KHDRBS2: variants seen among roughly 807,000 people sequenced by gnomAD.
The protein encoded by KHDRBS2 is KH RNA binding domain containing, signal transduction associated 2.
Under a neutral mutation model 44.3 loss-of-function variants are expected in KHDRBS2, and 26 were observed. The observed-to-expected ratio is 0.59, with a 90% CI of 0.43 to 0.81. KHDRBS2 has a LOEUF of 0.81. KHDRBS2 is among the 40% of genes least tolerant of loss of function. The pLI is 0.00. For missense variants in KHDRBS2, 476 were observed against 433.1 expected (o/e 1.10, Z -0.88); for synonymous variants, 194 against 151.1 (o/e 1.28, Z -2.08).
chr6:61,577,361 G>T, the KHDRBS2 span, among the ~76,000 whole-genome samples: 25,945 of 151,884 alleles, frequency 0.17, 2,424 homozygotes, highest in East Asian at 0.29. Context: ...GCCTGAACTG[G>T]AGGAGGAAAC....
the KHDRBS2 span, among the ~76,000 whole-genome samples, chr6:61,560,107 G>T: frequency 5.3e-5 from 8 of 152,098 alleles, no homozygotes; most frequent in African/African-American, 1.9e-4. Context: ...TTTTCCTTCA[G>T]CATATTAAAT....
intron 1 of KHDRBS2, among the ~76,000 whole-genome samples, chr6:62,199,696 G>C (rs1417340949): frequency 6.6e-6 from 1 of 152,102 alleles, no homozygotes; most frequent in African/African-American, 2.4e-5. Context: ...TCCCCATCAA[G>C]CTACCAATGA....
chr6:61,913,103 T>C lies in KHDRBS2; in HGVS notation c.484-11732A>G, dbSNP rs186788127. Among the ~76,000 whole-genome samples, 3 of 152,188 alleles carry C rather than the reference T, an allele frequency of 2.0e-5. No homozygotes were observed. The East Asian group carries it at 5.8e-4, about 29-fold the overall frequency. ...TTTCCCCAACCCCTTTCCTTATTCG[T>C]TTTTAAAATTCATTCTTCAAACTCT... is the stretch of plus-strand genomic sequence containing the variant. On this transcript the variant is annotated intron_variant, in intron 4 of 8. Coordinates refer to ENST00000281156, the MANE Select transcript of KHDRBS2 (RefSeq NM_152688.4).
chr6:61,650,357 C>A, the KHDRBS2 span, among the ~76,000 whole-genome samples: 1 of 151,718 alleles, frequency 6.6e-6, no homozygotes, highest in African/African-American at 2.4e-5. Context: ...AGGCTTCATG[C>A]AAGCAGATTC....
At chr6:62,004,297 G>A (rs369594075) in intron 3 of KHDRBS2, among the ~76,000 whole-genome samples, 5 of 151,704 alleles carry the variant, frequency 3.3e-5, no homozygotes, top group South Asian at 4.2e-4. Flanking sequence ...TCAAATAGAC[G>A]CAACAAAAAA....
chr6:61,549,345 T>A, the KHDRBS2 span, among the ~76,000 whole-genome samples: 1 of 152,180 alleles, frequency 6.6e-6, no homozygotes, highest in African/African-American at 2.4e-5. Context: ...TCTTAAAATT[T>A]TTGAATAACT....
intron 2 of KHDRBS2, among the ~76,000 whole-genome samples, chr6:62,170,454 A>T (rs1465999470): frequency 2.0e-5 from 3 of 152,170 alleles, no homozygotes; most frequent in South Asian, 4.1e-4. Context: ...TCTCCAAAGC[A>T]TCACAGAGAA....
intron 8 of KHDRBS2, among the ~76,000 whole-genome samples, chr6:61,681,945 A>G (rs1766353567): frequency 6.6e-6 from 1 of 151,934 alleles, no homozygotes; most frequent in Non-Finnish European, 1.5e-5. Flanking sequence ...TGGTCTCTCA[A>G]TCAGAATTTA....
chr6:62,072,609 T>C (rs1193440898), intron 2 of KHDRBS2, among the ~76,000 whole-genome samples: 1 of 152,226 alleles, frequency 6.6e-6, no homozygotes, highest in Non-Finnish European at 1.5e-5. Context: ...CATGTGGTTT[T>C]TGTCTTTGGT....
intron 2 of KHDRBS2, among the ~76,000 whole-genome samples, chr6:62,073,291 T>C (rs1375387858): frequency 6.6e-6 from 1 of 151,810 alleles, no homozygotes; most frequent in East Asian, 1.9e-4. Context: ...GTTTTGATAA[T>C]TTGTATATTT....
At chr6:61,647,745 G>T in the KHDRBS2 span, among the ~76,000 whole-genome samples, 1 of 152,064 alleles carries the variant, frequency 6.6e-6, no homozygotes, top group Non-Finnish European at 1.5e-5. Context: ...TCTTTTGTGG[G>T]TATGTTTGTA....
At chr6:62,007,704 G>C (rs1226722564) in intron 3 of KHDRBS2, among the ~76,000 whole-genome samples, 2 of 151,994 alleles carry the variant, frequency 1.3e-5, no homozygotes, top group Non-Finnish European at 2.9e-5. Flanking sequence ...TTCACAAGAA[G>C]AAATTTAGTG....
At chr6:61,594,088 A>T in the KHDRBS2 span, among the ~76,000 whole-genome samples, 1 of 152,116 alleles carries the variant, frequency 6.6e-6, no homozygotes, top group African/African-American at 2.4e-5. Flanking sequence ...CAAACAATTT[A>T]CAAATTCTGG....
At chr6:61,709,302 C>T (rs573104196) in intron 7 of KHDRBS2, among the ~76,000 whole-genome samples, 15 of 151,462 alleles carry the variant, frequency 9.9e-5, no homozygotes, top group East Asian at 3.9e-4. Context: ...GAAATATAGG[C>T]GGATTATTCA....
intron 3 of KHDRBS2, among the ~76,000 whole-genome samples, chr6:61,991,026 A>C (rs1445572675): frequency 6.6e-6 from 1 of 152,162 alleles, no homozygotes; most frequent in Non-Finnish European, 1.5e-5. Flanking sequence ...CTTTTTTAGC[A>C]TTGAGAACTA....
At chr6:61,772,824 T>C (rs1353743417) in intron 6 of KHDRBS2, among the ~76,000 whole-genome samples, 1 of 152,104 alleles carries the variant, frequency 6.6e-6, no homozygotes, top group African/African-American at 2.4e-5. Flanking sequence ...CAGAGTGTGA[T>C]GTTCCCCTTC....
chr6:62,030,620 T>C (rs937678124), intron 3 of KHDRBS2, among the ~76,000 whole-genome samples: 2 of 152,106 alleles, frequency 1.3e-5, no homozygotes, highest in Non-Finnish European at 2.9e-5. Flanking sequence ...CTAGAACTAA[T>C]AGATGTTACT....
intron 6 of KHDRBS2, among the ~76,000 whole-genome samples, chr6:61,776,808 AAATCGTG>A (rs1469446216): frequency 6.6e-6 from 1 of 152,208 alleles, no homozygotes; most frequent in Non-Finnish European, 1.5e-5. Context: ...AAAGGACTAT[AAATCGTG>A]CTGCTATAAA....
chr6:61,793,037 T>A (rs1582871139), intron 6 of KHDRBS2, among the ~76,000 whole-genome samples: 1 of 152,018 alleles, frequency 6.6e-6, no homozygotes, highest in South Asian at 2.1e-4. Flanking sequence ...CGATGATTAA[T>A]ATCTTTAATT....
Sources: gnomAD v4.1 joint callset for allele counts (sites outside exome capture counted in the v4.1 genomes callset) on GRCh38, gnomAD v4.1.1 for gene constraint, MANE v1.5 for transcripts, NCBI Gene and HGNC (gene_info 2026-07-23, HGNC 2026-07-21) for gene names.